The following CD200 variants were observed in gnomAD, a reference collection of about 807,000 sequenced individuals.
CD200 encodes CD200 molecule, also known as OX-2 membrane glycoprotein.
In CD200, 15 loss-of-function variants were observed where a neutral mutation model predicts 30.9. The ratio of observed to expected loss-of-function variants is 0.49; its 90% CI spans 0.32 to 0.75. CD200 has a LOEUF of 0.75. CD200 is among the 30% of genes least tolerant of loss of function. The pLI, the probability that CD200 is intolerant of heterozygous loss-of-function variation, is 0.03. For synonymous variants in CD200, 134 were observed against 126.2 expected (o/e 1.06, Z -0.41); for missense variants, 262 against 324.2 (o/e 0.81, Z 1.47).
At chr3:112,347,096 C>G (rs1159982956) in intron 3 of CD200, among the ~76,000 whole-genome samples, 1 of 152,192 alleles carries the variant, frequency 6.6e-6, no homozygotes, top group Non-Finnish European at 1.5e-5. Flanking sequence ...TCTATGGGCT[C>G]TCTGTTCCAA....
intron 3 of CD200, among the ~76,000 whole-genome samples, chr3:112,346,823 G>A (rs1376433927): frequency 6.6e-6 from 1 of 152,190 alleles, no homozygotes; most frequent in Non-Finnish European, 1.5e-5. Flanking sequence ...GAACTCACTA[G>A]TCAGGGGATT....
intron 5 of CD200, among the ~76,000 whole-genome samples, chr3:112,355,407 C>T (rs1226116439): frequency 6.6e-6 from 1 of 152,036 alleles, no homozygotes; most frequent in Non-Finnish European, 1.5e-5. Context: ...TTCTTAGAAT[C>T]TCAGTTCTTG....
At chr3:112,350,414 G>A (rs2081507788) in intron 5 of CD200, among the ~76,000 whole-genome samples, 2 of 152,024 alleles carry the variant, frequency 1.3e-5, no homozygotes, top group South Asian at 2.1e-4. Flanking sequence ...AACTGATTGA[G>A]GACAGAGAGA....
At chr3:112,353,525 T>C (rs972524204) in intron 5 of CD200, among the ~76,000 whole-genome samples, 19 of 152,188 alleles carry the variant, frequency 1.2e-4, no homozygotes, top group Admixed American at 2.6e-4. Flanking sequence ...TGACAATGTA[T>C]AATAACAATG....
rs1487867507 is a variant in CD200, at chr3:112,345,011, C to T, written c.144C>T (p.Ser48=). The change falls in exon 3 of 6, where the codon TCC becomes TCT. Residue 48 remains serine, a synonymous_variant. Coordinates refer to ENST00000315711, the MANE Select transcript of CD200 (RefSeq NM_005944.7). ...DEREQLYTPA[S]LKCSLQNAQE... ...GAGAGCAGCTGTACACACCTGCTTC[C>T]TTAAAATGCTCTCTGCAAAATGCCC... 7 of 1,613,970 alleles carry T rather than the reference C, an allele frequency of 4.3e-6. No homozygotes were observed. Among genetic ancestry groups the T allele is most frequent in the Non-Finnish European group, 5.9e-6 (7 of 1,179,980 alleles).
intron 1 of CD200, among the ~76,000 whole-genome samples, chr3:112,336,500 A>C (rs1481781991): frequency 6.6e-6 from 1 of 151,972 alleles, no homozygotes; most frequent in Admixed American, 6.6e-5. Context: ...GAATGGCAAA[A>C]ATAGGGCTTA....
At position 112,345,257 on chromosome 3, in the gene CD200, G is replaced by A. The variant is rs2081356938; in HGVS notation, c.390G>A (p.Lys130=). The part of the protein sequence containing the change: ...MCLFNTFGFG[K]ISGTACLTVY... ...TCTTCAATACCTTTGGTTTTGGGAA[G>A]ATCTCAGGAACGGCCTGCCTCACCG... is the stretch of plus-strand genomic sequence containing the variant. Residue 130 remains lysine, a synonymous_variant, in exon 3 of 6, where the codon AAG becomes AAA. Transcript: ENST00000315711. The A allele has an allele frequency of 3.1e-6, 5 of 1,613,950 alleles. No individual in the cohort carries two copies. Among genetic ancestry groups the A allele is most frequent in the Non-Finnish European group, 3.4e-6 (4 of 1,179,864 alleles).
At chr3:112,345,411 C>G (rs1378385332) in intron 3 of CD200, 123 bp downstream of exon 3, 1 of 723,166 alleles carries the variant, frequency 1.4e-6, no homozygotes, top group Non-Finnish European at 2.3e-6. Flanking sequence ...AGAAGATAGC[C>G]TTTCTTGTCT....
intron 2 of CD200, among the ~76,000 whole-genome samples, chr3:112,342,375 TTCTTTCTTTCTTTC>T: frequency 2.1e-5 from 1 of 46,988 alleles, no homozygotes; most frequent in African/African-American, 7.5e-5. Context: ...CTTTCTTTCT[TTCTTTCTTTCTTTC>T]TTTCTTTCTT....
chr3:112,344,858 T>C (rs3817425), intron 2 of CD200, 104 bp from the exon 3 acceptor site: 96,912 of 906,126 alleles, frequency 0.11, 7,023 homozygotes, highest in South Asian at 0.25. Flanking sequence ...CATTTTCTCT[T>C]TCTTTTCTAT....
intron 5 of CD200, among the ~76,000 whole-genome samples, chr3:112,360,655 A>G (rs577745386): frequency 6.6e-6 from 1 of 152,332 alleles, no homozygotes; most frequent in Non-Finnish European, 1.5e-5. Context: ...ATTGGGCAGG[A>G]TCTAAAATGT....
intron 2 of CD200, among the ~76,000 whole-genome samples, chr3:112,343,278 G>GTA (rs1301671172): frequency 1.3e-5 from 2 of 151,446 alleles, no homozygotes; most frequent in South Asian, 4.2e-4. Context: ...AATACCTAAA[G>GTA]TATATATATA....
intron 2 of CD200, among the ~76,000 whole-genome samples, chr3:112,343,946 C>G (rs976878255): frequency 6.6e-6 from 1 of 152,076 alleles, no homozygotes; most frequent in Non-Finnish European, 1.5e-5. Context: ...CCTTCCATAT[C>G]ATTATCTCTT....
At chr3:112,341,055 T>C (rs908034285) in intron 2 of CD200, 72 bp downstream of exon 2, 4 of 964,576 alleles carry the variant, frequency 4.1e-6, no homozygotes, top group East Asian at 2.4e-5. Flanking sequence ...TTAGCCAGTA[T>C]TGTTTGTGCT....
chr3:112,341,576 A>C (rs759916332), intron 2 of CD200, among the ~76,000 whole-genome samples: 5 of 152,190 alleles, frequency 3.3e-5, no homozygotes, highest in Non-Finnish European at 7.3e-5. Flanking sequence ...CAGCCTCCAC[A>C]GATGTGGGTG....
At chr3:112,339,317 C>G (rs2081188237) in intron 1 of CD200, among the ~76,000 whole-genome samples, 10 of 152,140 alleles carry the variant, frequency 6.6e-5, no homozygotes. Context: ...CCTTGGCATT[C>G]CAGTTTCAAA....
chr3:112,353,000 G>C (rs1045072906), intron 5 of CD200, among the ~76,000 whole-genome samples: 1 of 152,124 alleles, frequency 6.6e-6, no homozygotes, highest in Non-Finnish European at 1.5e-5. Context: ...ATTTCAAAGA[G>C]CATTCTTTTC....
At chr3:112,333,499 C>T (rs2081044277) in intron 1 of CD200, 10 of 985,476 alleles carry the variant, frequency 1.0e-5, no homozygotes, top group Middle Eastern at 5.2e-4. Context: ...CAGGCCGGGG[C>T]TCCGGGGGCT....
intron 5 of CD200, among the ~76,000 whole-genome samples, chr3:112,359,431 C>T (rs2081694698): frequency 6.6e-6 from 1 of 152,108 alleles, no homozygotes; most frequent in African/African-American, 2.4e-5. Context: ...GAAAACAGCA[C>T]TTAGATTTCA....
Sources: allele counts gnomAD v4.1 joint callset (sites outside exome capture counted in the v4.1 genomes callset), GRCh38; gene constraint gnomAD v4.1.1; transcripts MANE v1.5; gene names NCBI Gene and HGNC (gene_info 2026-07-23, HGNC 2026-07-21).